LYN: variants seen among roughly 807,000 people sequenced by gnomAD.
The protein encoded by LYN is tyrosine-protein kinase Lyn.
A neutral mutation model predicts 65.0 loss-of-function variants in LYN; 12 were observed. The ratio of observed to expected loss-of-function variants is 0.18; its 90% CI spans 0.12 to 0.30. The LOEUF is 0.30. Ranked by LOEUF, LYN falls within the 10% of genes least tolerant of loss-of-function variation. LYN has a pLI of 1.00. For synonymous variants in LYN, 222 were observed against 221.2 expected, an observed-to-expected ratio of 1.00 and a Z score of -0.03; for missense variants, 380 against 623.2, an observed-to-expected ratio of 0.61 and a Z score of 4.16.
At chr8:55,964,463 A>G (rs1807386436) in intron 8 of LYN, among the ~76,000 whole-genome samples, 1 of 152,218 alleles carries the variant, frequency 6.6e-6, no homozygotes, top group Admixed American at 6.5e-5. Flanking sequence ...AAGAAACATC[A>G]TTGGATAGGT....
rs532617551 is a variant in LYN, at chr8:55,921,379, C to T, written c.-5-20476C>T. Among the ~76,000 whole-genome samples, 3 of 152,224 alleles carry T rather than the reference C, an allele frequency of 2.0e-5. No individual in the cohort carries two copies. In the South Asian group the frequency reaches 6.2e-4, roughly 32 times the overall value. ...TGTCCTCAAGGGGTTTACAGTCTAT[C>T]GAGGAGAGAGCTATACACGTACTAA... On this transcript the variant is annotated intron_variant, in intron 1 of 12. Transcript: ENST00000519728.
rs907531705 is a variant in LYN at position 55,956,193 on chromosome 8, A to G, written c.790+2209A>G. Among the ~76,000 whole-genome samples the G allele has an allele frequency of 3.1e-4, 47 of 152,218 alleles. 1 individual carries two copies. The highest frequency in any genetic ancestry group is 1.1e-3 in the African/African-American group (45 of 41,446). On this transcript the variant is annotated intron_variant, in intron 8 of 12. Coordinates refer to ENST00000519728, the MANE Select transcript of LYN (RefSeq NM_002350.4). ...TCCAAATCTACAGAATGGGGCAGGA[A>G]TAGTATAATGAATATTGTATACCCT...
At chr8:55,946,309 T>G (rs1235320094) in intron 2 of LYN, 139 bp from the exon 3 acceptor site, 4 of 691,318 alleles carry the variant, frequency 5.8e-6, no homozygotes, top group African/African-American at 5.4e-5. Flanking sequence ...GGTTTTTCCC[T>G]CTGTGCTCCT....
Position 56,010,309 on chromosome 8 carries a change from A to T in LYN, c.*199A>T. 3.6e-6 allele frequency: 2 copies of T among 561,196 alleles called. No homozygotes were observed. The highest frequency in any genetic ancestry group is 6.4e-5 in the Admixed American group (2 of 31,418). The allele number at this position is 561,196 out of a possible 1,614,324, so 34.8% of individuals were successfully genotyped here. On this transcript the variant is annotated 3_prime_UTR_variant, in exon 13 of 13. Transcript: ENST00000519728. ...GTACTCTTAGATGGATTCTCCACTC[A>T]GTTGCAACTTGGACTTGTCCTCAGC...
intron 1 of LYN, among the ~76,000 whole-genome samples, chr8:55,931,570 C>T (rs1806271750): frequency 6.6e-6 from 1 of 151,968 alleles, no homozygotes; most frequent in Admixed American, 6.6e-5. Context: ...TAGCCTATTT[C>T]TTTTCAGACT....
At chr8:55,915,975 C>G (rs1805770897) in intron 1 of LYN, among the ~76,000 whole-genome samples, 1 of 152,294 alleles carries the variant, frequency 6.6e-6, no homozygotes, top group East Asian at 1.9e-4. Context: ...TACCTCTAAA[C>G]TCACAATTAA....
intron 2 of LYN, among the ~76,000 whole-genome samples, chr8:55,945,945 T>G (rs2130483011): frequency 6.6e-6 from 1 of 152,306 alleles, no homozygotes; most frequent in South Asian, 2.1e-4. Flanking sequence ...TCCGTCTCCA[T>G]CCTGCTGCCG....
At position 56,011,991 on chromosome 8, in the gene LYN, C is replaced by A; in HGVS notation, c.*1881C>A. 1 of 187,274 alleles carries A rather than the reference C, an allele frequency of 5.3e-6. No homozygotes were observed. Among genetic ancestry groups the A allele is most frequent in the Non-Finnish European group, 1.1e-5 (1 of 88,864 alleles). The allele number at this position is 187,274 out of a possible 1,614,324, so 11.6% of individuals were successfully genotyped here. On this transcript the variant is annotated 3_prime_UTR_variant, in exon 13 of 13. Transcript: ENST00000519728. ...ACTAGAGGTTTTTTTTTTAGCATAACAAATTTATTTAAAGAAAATTATTAA... is the reference window on the plus strand; with the variant it reads ...ACTAGAGGTTTTTTTTTTAGCATAAAAAATTTATTTAAAGAAAATTATTAA...
At chr8:55,949,704 A>T (rs1053934632) in intron 4 of LYN, among the ~76,000 whole-genome samples, 4 of 152,172 alleles carry the variant, frequency 2.6e-5, no homozygotes, top group African/African-American at 9.7e-5. Flanking sequence ...TGTTGTGAAC[A>T]TTCAAAACCC....
chr8:55,957,911 G>T (rs1807166010), intron 8 of LYN, among the ~76,000 whole-genome samples: 1 of 152,112 alleles, frequency 6.6e-6, no homozygotes, highest in South Asian at 2.1e-4. Flanking sequence ...TTGCGCCGCT[G>T]TCACCAAACT....
chr8:55,948,803 T>C (rs1806856346), intron 4 of LYN, among the ~76,000 whole-genome samples: 1 of 152,170 alleles, frequency 6.6e-6, no homozygotes, highest in African/African-American at 2.4e-5. Context: ...ACTTTATACC[T>C]TGGTTTCTTT....
intron 1 of LYN, among the ~76,000 whole-genome samples, chr8:55,938,845 C>T (rs1806515754): frequency 6.6e-6 from 1 of 152,176 alleles, no homozygotes. Context: ...GAGCGCACTC[C>T]TGTGTGAGTG....
chr8:55,884,328 C>T (rs532413675), intron 1 of LYN, among the ~76,000 whole-genome samples: 1 of 152,270 alleles, frequency 6.6e-6, no homozygotes, highest in South Asian at 2.1e-4. Flanking sequence ...TGGTCTTGAA[C>T]TCCTGACCCC....
chr8:55,992,237 C>T (rs1808268891), intron 10 of LYN, among the ~76,000 whole-genome samples: 2 of 152,106 alleles, frequency 1.3e-5, no homozygotes, highest in South Asian at 4.1e-4. Flanking sequence ...TGGTTTAGAA[C>T]CAAAAGATTT....
Position 55,982,754 on chromosome 8 carries a change from C to G in LYN, c.1050+12961C>G, listed in dbSNP as rs947204174. On this transcript the variant is annotated intron_variant, in intron 10 of 12. Coordinates refer to ENST00000519728, the MANE Select transcript of LYN (RefSeq NM_002350.4). The stretch of plus-strand genomic sequence containing the variant: ...TGTCTTGACTTCCTCCCCTCCAAGA[C>G]TCTGTCCTCTCCCCTCGAGCCACTC... Among the ~76,000 whole-genome samples, 32 of 152,288 alleles carry G rather than the reference C, an allele frequency of 2.1e-4. 1 individual carries two copies. Among genetic ancestry groups the G allele is most frequent in the Middle Eastern group, 6.8e-3 (2 of 294 alleles).
intron 1 of LYN, among the ~76,000 whole-genome samples, chr8:55,938,611 G>A (rs980279300): frequency 2.6e-5 from 4 of 152,152 alleles, no homozygotes; most frequent in African/African-American, 9.7e-5. Flanking sequence ...TTTTCTCATT[G>A]CCTTGGCTCT....
intron 1 of LYN, among the ~76,000 whole-genome samples, chr8:55,891,988 A>C (rs1804974997): frequency 6.6e-6 from 1 of 152,236 alleles, no homozygotes; most frequent in African/African-American, 2.4e-5. Flanking sequence ...AAATTTACAA[A>C]GGCAGAGATT....
At chr8:55,926,918 G>T (rs569268989) in intron 1 of LYN, among the ~76,000 whole-genome samples, 1 of 152,134 alleles carries the variant, frequency 6.6e-6, no homozygotes, top group Non-Finnish European at 1.5e-5. Flanking sequence ...TAGGCAGTGC[G>T]CCCAGAGCTG....
intron 1 of LYN, among the ~76,000 whole-genome samples, chr8:55,919,756 A>G (rs966055976): frequency 1.3e-5 from 2 of 152,202 alleles, no homozygotes; most frequent in Admixed American, 1.3e-4. Context: ...AAAAGCCACA[A>G]CGGGCCCTGG....
Sources: allele counts gnomAD v4.1 joint callset (sites outside exome capture counted in the v4.1 genomes callset), GRCh38; gene constraint gnomAD v4.1.1; transcripts MANE v1.5; gene names NCBI Gene and HGNC (gene_info 2026-07-23, HGNC 2026-07-21).